The following AMACR variants were observed in gnomAD, a reference collection of about 807,000 sequenced individuals.
AMACR encodes 2-methylacyl-CoA racemase.
AMACR carries 18 observed loss-of-function variants against 22.2 expected under a neutral mutation model. The ratio of observed to expected loss-of-function variants is 0.81; its 90% CI spans 0.56 to 1.20. The LOEUF (loss-of-function observed/expected upper bound fraction) is 1.20. AMACR is among the 50% of genes most tolerant of loss of function. The pLI, the probability that AMACR is intolerant of heterozygous loss-of-function variation, is 0.00. For synonymous variants in AMACR, 213 were observed against 191.3 expected, an observed-to-expected ratio of 1.11 and a Z score of -0.94; for missense variants, 499 against 490.6, an observed-to-expected ratio of 1.02 and a Z score of -0.16.
Position 34,008,040 on chromosome 5 carries a change from T to C in AMACR, c.-21A>G, listed in dbSNP as rs1281692523. On this transcript the variant is annotated 5_prime_UTR_variant, in exon 1 of 5. Coordinates refer to ENST00000335606, the MANE Select transcript of AMACR (RefSeq NM_014324.6). ...GCCATGGCGCTTCCCAGTGCCCCGC[T>C]GAAGGAAACTGAGCAGCCCTTAGCC... 19 of 1,607,514 alleles carry C rather than the reference T, an allele frequency of 1.2e-5. No individual in the cohort carries two copies. The highest frequency in any genetic ancestry group is 1.6e-5 in the Non-Finnish European group (19 of 1,179,604).
chr5:33,996,525 C>A (rs572776109), intron 4 of AMACR, among the ~76,000 whole-genome samples: 2 of 152,266 alleles, frequency 1.3e-5, no homozygotes, highest in South Asian at 4.1e-4. Flanking sequence ...GTGGCTCATG[C>A]CTGAAATCCC....
At position 33,989,416 on chromosome 5, in the gene AMACR, C is replaced by G. The variant is rs200687238; in HGVS notation, c.826G>C (p.Ala276Pro). The G allele has an allele frequency of 3.7e-6, 6 of 1,614,174 alleles. No homozygotes were observed. The highest frequency in any genetic ancestry group is 3.3e-5 in the Admixed American group (2 of 60,024). Residue 276 changes from alanine (A) to proline (P), a missense_variant, in exon 5 of 5, where the codon GCA becomes CCA. Coordinates refer to ENST00000335606, the MANE Select transcript of AMACR (RefSeq NM_014324.6). ...EMKKKFADVF[A>P]EKTKAEWCQI... ...CACCACTCTGCCTTCGTCTTCTCTG[C>G]AAATACATCTGCAAACTTCTTCTTC...
Position 33,989,211 on chromosome 5 carries a change from G to A in AMACR, c.1031C>T (p.Pro344Leu), listed in dbSNP as rs778402751. The A allele has an allele frequency of 6.2e-7, 1 of 1,614,166 alleles. No homozygotes were observed. Among genetic ancestry groups the A allele is most frequent in the South Asian group, 1.1e-5 (1 of 91,082 alleles). Reference protein sequence around the residue: ...TPAIPSFKRDPFIGEHTEEIL... With the variant: ...TPAIPSFKRDLFIGEHTEEIL... The stretch of plus-strand genomic sequence containing the variant: ...CTCCTCAGTGTGTTCTCCTATGAAA[G>A]GATCCCTTTTGAAAGAAGGGATGGC... Residue 344 changes from proline (P) to leucine (L), a missense_variant, in exon 5 of 5, where the codon CCT (proline) becomes CTT (leucine). Coordinates refer to ENST00000335606, the MANE Select transcript of AMACR (RefSeq NM_014324.6).
intron 3 of AMACR, among the ~76,000 whole-genome samples, chr5:34,002,650 C>A (rs1385796555): frequency 6.6e-6 from 1 of 152,220 alleles, no homozygotes; most frequent in Non-Finnish European, 1.5e-5. Flanking sequence ...GTCTTCAATG[C>A]CAATGATAGT....
chr5:33,988,604 T>A lies in AMACR; in HGVS notation c.*489A>T. On this transcript the variant is annotated 3_prime_UTR_variant, in exon 5 of 5. Coordinates refer to ENST00000335606, the MANE Select transcript of AMACR (RefSeq NM_014324.6). ...AAAGTGTGATAACTGTTGCTAAAGT[T>A]TGGAATGTGCTTAGAGGGAGATCAT... The A allele has an allele frequency of 1.5e-6, 2 of 1,315,042 alleles. No homozygotes were observed. The highest frequency in any genetic ancestry group is 1.9e-6 in the Non-Finnish European group (2 of 1,032,770). The allele number at this position is 1,315,042 out of a possible 1,614,324, so 81.5% of individuals were successfully genotyped here.
In AMACR at chr5:33,988,408, A is replaced by C. The variant is rs1337700857; in HGVS notation, c.*685T>G. ...GGAGAAAGGAAAGCTGACAGCCCAGAGACCCACGGGGAAACAGGCCCCGAG... is the reference window on the plus strand; with the variant it reads ...GGAGAAAGGAAAGCTGACAGCCCAGCGACCCACGGGGAAACAGGCCCCGAG... On this transcript the variant is annotated 3_prime_UTR_variant, in exon 5 of 5. Transcript: ENST00000335606. The C allele has an allele frequency of 3.9e-5, 60 of 1,537,050 alleles. No homozygotes were observed. Among genetic ancestry groups the C allele is most frequent in the Non-Finnish European group, 5.1e-5 (58 of 1,146,752 alleles).
chr5:33,999,187 TA>T (rs1182663758), intron 3 of AMACR, among the ~76,000 whole-genome samples: 1 of 152,186 alleles, frequency 6.6e-6, no homozygotes, highest in African/African-American at 2.4e-5. Context: ...ACTGCCAAGA[TA>T]AAAAGTTAAA....
chr5:34,006,346 C>G (rs1315713537), intron 1 of AMACR, among the ~76,000 whole-genome samples: 1 of 152,188 alleles, frequency 6.6e-6, no homozygotes, highest in Non-Finnish European at 1.5e-5. Flanking sequence ...TGCCTAGCAT[C>G]AGTACCTTCA....
chr5:33,989,640 A>C (rs1487766198), intron 4 of AMACR, 138 bp from the exon 5 acceptor site: 1 of 750,032 alleles, frequency 1.3e-6, no homozygotes, highest in Admixed American at 2.7e-5. Flanking sequence ...AAGAGAAAAA[A>C]ATGTAAAATC....
At position 33,988,216 on chromosome 5, in the gene AMACR, G is replaced by A. The variant is rs1201388935; in HGVS notation, c.*877C>T. 2.0e-5 allele frequency: 23 copies of A among 1,174,660 alleles called. No homozygotes were observed. The East Asian group carries it at 2.3e-4, about 12-fold the overall frequency. 72.8% of individuals were successfully genotyped at this position (1,174,660 alleles called of 1,614,324 possible). A position where few individuals can be genotyped will look rare whatever the true frequency, so the allele number is the denominator to read the frequency against. On this transcript the variant is annotated 3_prime_UTR_variant, in exon 5 of 5. Transcript: ENST00000335606. Reference sequence around the variant, plus strand: ...GCTGGTTTTATGTAAAGACAATCCCGTCTTCTTTGTCAAAGACAGGTATAA... The same window carrying A: ...GCTGGTTTTATGTAAAGACAATCCCATCTTCTTTGTCAAAGACAGGTATAA...
chr5:34,003,119 C>G (rs758861183), intron 3 of AMACR, among the ~76,000 whole-genome samples: 16 of 152,222 alleles, frequency 1.1e-4, no homozygotes, highest in Non-Finnish European at 1.9e-4. Flanking sequence ...ACACTCCATT[C>G]TGCTTCTCTC....
rs1340008851 is a variant in AMACR at position 33,988,520 on chromosome 5, T to A, written c.*573A>T. ...ACATTTCCTCATTATTTTGGATATG[T>A]TTTTTTCAGTTGAAGGCATTCTGAT... is the stretch of plus-strand genomic sequence containing the variant. On this transcript the variant is annotated 3_prime_UTR_variant, in exon 5 of 5. Coordinates refer to ENST00000335606, the MANE Select transcript of AMACR (RefSeq NM_014324.6). The A allele has an allele frequency of 7.2e-7, 1 of 1,397,658 alleles. No homozygotes were observed. Among genetic ancestry groups the A allele is most frequent in the Non-Finnish European group, 9.3e-7 (1 of 1,079,472 alleles). The allele number at this position is 1,397,658 out of a possible 1,614,324, so 86.6% of individuals were successfully genotyped here. A position where few individuals can be genotyped will look rare whatever the true frequency, so the allele number is the denominator to read the frequency against.
rs969239901 is a variant in AMACR at position 33,993,230 on chromosome 5, T to C, written c.740-3728A>G. Among the ~76,000 whole-genome samples the C allele has an allele frequency of 3.3e-5, 5 of 152,238 alleles. 1 individual carries two copies. The highest frequency in any genetic ancestry group is 1.9e-4 in the East Asian group (1 of 5,200). The stretch of plus-strand genomic sequence containing the variant: ...CTCAGCATAATGTCTTCAAGATTCA[T>C]CTCTGTTGTAACGTGTTGGAATTTT... On this transcript the variant is annotated intron_variant, in intron 4 of 4. Transcript: ENST00000335606.
Position 34,008,000 on chromosome 5 carries a change from G to A in AMACR, c.20C>T (p.Ser7Leu), listed in dbSNP as rs1333701891. 3.1e-6 allele frequency: 5 copies of A among 1,611,092 alleles called. No homozygotes were observed. The highest frequency in any genetic ancestry group is 2.2e-5 in the South Asian group (2 of 91,072). ...GGCCAGGCCGGACAGCTCCACGACC[G>A]AGATGCCCTGCAGTGCCATGGCGCT... is the stretch of plus-strand genomic sequence containing the variant. MALQGISVVELSGLAPG... is the reference protein window; with the variant it reads MALQGILVVELSGLAPG... Residue 7 changes from serine to leucine, a missense_variant, in exon 1 of 5, where the codon TCG becomes TTG. Coordinates refer to ENST00000335606, the MANE Select transcript of AMACR (RefSeq NM_014324.6).
chr5:34,000,248 A>G (rs1753775417), intron 3 of AMACR, among the ~76,000 whole-genome samples: 1 of 152,208 alleles, frequency 6.6e-6, no homozygotes, highest in Admixed American at 6.5e-5. Flanking sequence ...CTCAAGCTTT[A>G]CTTCTCTCAG....
chr5:33,995,028 T>C (rs1561039926), intron 4 of AMACR, among the ~76,000 whole-genome samples: 1 of 152,212 alleles, frequency 6.6e-6, no homozygotes. Flanking sequence ...AAATACTGAA[T>C]GAAAAATTCC....
intron 3 of AMACR, among the ~76,000 whole-genome samples, chr5:34,000,418 G>A (rs956121212): frequency 2.0e-5 from 3 of 152,150 alleles, no homozygotes; most frequent in Non-Finnish European, 4.4e-5. Context: ...GTAGTGAGTC[G>A]ACCTAGAAAC....
Position 33,989,221 on chromosome 5 carries a change from T to C in AMACR, c.1021A>G (p.Lys341Glu), listed in dbSNP as rs1753395224. 1 of 1,614,054 alleles carries C rather than the reference T, an allele frequency of 6.2e-7. No homozygotes were observed. The highest frequency in any genetic ancestry group is 1.3e-5 in the African/African-American group (1 of 74,914). ...LLNTPAIPSF[K>E]RDPFIGEHTE... is the part of the protein sequence containing the mutation. ...TGTTCTCCTATGAAAGGATCCCTTT[T>C]GAAAGAAGGGATGGCTGGGGTGTTT... The change falls in exon 5 of 5, where the codon AAA becomes GAA. Residue 341 changes from lysine to glutamate, a missense_variant. Lys to Glu is a moderately conservative substitution (Grantham distance 56, BLOSUM62 1). Coordinates refer to ENST00000335606, the MANE Select transcript of AMACR (RefSeq NM_014324.6).
At chr5:34,000,500 G>C (rs1216395288) in intron 3 of AMACR, among the ~76,000 whole-genome samples, 2 of 135,840 alleles carry the variant, frequency 1.5e-5, no homozygotes, top group African/African-American at 6.7e-5. Context: ...TAAAAATATA[G>C]GGTCTTTTTT....
Sources: allele counts gnomAD v4.1 joint callset (sites outside exome capture counted in the v4.1 genomes callset), GRCh38; gene constraint gnomAD v4.1.1; transcripts MANE v1.5; gene names NCBI Gene and HGNC (gene_info 2026-07-23, HGNC 2026-07-21).